PAK5: variants seen among roughly 807,000 people sequenced by gnomAD.
The protein encoded by PAK5 is p21 (RAC1) activated kinase 5, also known as serine/threonine-protein kinase PAK 5.
PAK5 carries 16 observed loss-of-function variants against 65.9 expected under a neutral mutation model. The ratio of observed to expected loss-of-function variants is 0.24; its 90% CI spans 0.16 to 0.37. PAK5 has a LOEUF of 0.37. Ranked by LOEUF, PAK5 falls within the 10% of genes least tolerant of loss-of-function variation. PAK5 has a pLI of 1.00. For synonymous variants in PAK5, 371 were observed against 354.9 expected (o/e 1.05, Z -0.51); for missense variants, 785 against 903.9 (o/e 0.87, Z 1.69).
At chr20:9,562,792 A>G in intron 6 of PAK5, 99 bp downstream of exon 6, 1 of 1,098,862 alleles carries the variant, frequency 9.1e-7, no homozygotes, top group Non-Finnish European at 1.3e-6. Context: ...CCCTGACTCC[A>G]AAGTGCCTGC....
chr20:9,703,745 AT>A (rs2047969790), intron 2 of PAK5, among the ~76,000 whole-genome samples: 1 of 133,296 alleles, frequency 7.5e-6, no homozygotes, highest in South Asian at 2.4e-4. Flanking sequence ...CACAACATAT[AT>A]CCCCCCCTCC....
At chr20:9,599,268 C>T (rs1040360328) in intron 3 of PAK5, among the ~76,000 whole-genome samples, 2 of 152,206 alleles carry the variant, frequency 1.3e-5, no homozygotes, top group African/African-American at 4.8e-5. Flanking sequence ...TGTCAACAGA[C>T]ATTTGGATTG....
chr20:9,556,676 T>C (rs1439541886), intron 7 of PAK5, among the ~76,000 whole-genome samples: 1 of 152,222 alleles, frequency 6.6e-6, no homozygotes, highest in African/African-American at 2.4e-5. Context: ...TTATATTCCA[T>C]GCTCTGTGCC....
At chr20:9,686,590 AT>A (rs1251478530) in intron 2 of PAK5, among the ~76,000 whole-genome samples, 2 of 152,084 alleles carry the variant, frequency 1.3e-5, no homozygotes, top group Non-Finnish European at 2.9e-5. Flanking sequence ...TCCTTCTATG[AT>A]TACAGCTCCT....
At position 9,787,740 on chromosome 20, in the gene PAK5, G is replaced by T. The variant is rs74270237; in HGVS notation, c.-162+51022C>A. The stretch of plus-strand genomic sequence containing the variant: ...AAAATTCTTGATACTGCTAAGTGCA[G>T]ATTTGGGAATAGATATGCAGTAGAC... On this transcript the variant is annotated intron_variant, in intron 1 of 9. Coordinates refer to ENST00000353224, the MANE Select transcript of PAK5 (RefSeq NM_177990.4). Among the ~76,000 whole-genome samples the T allele has an allele frequency of 3.4e-3, 513 of 151,950 alleles. 12 individuals are homozygous for T. In the East Asian group the frequency reaches 0.049, roughly 14 times the overall value.
rs2045192007 is a variant in PAK5, at chr20:9,537,635, T to G, written c.*1827A>C. ...TAAAAAAGATTTTCTTTTTCTTTTC[T>G]TTCTACTTCTACATAGTCCTGGTTA... is the stretch of plus-strand genomic sequence containing the variant. On this transcript the variant is annotated 3_prime_UTR_variant, in exon 10 of 10. Transcript: ENST00000353224. 1 of 218,056 alleles carries G rather than the reference T, an allele frequency of 4.6e-6. No homozygotes were observed. Among genetic ancestry groups the G allele is most frequent in the Non-Finnish European group, 9.2e-6 (1 of 108,318 alleles). 13.5% of individuals were successfully genotyped at this position (218,056 alleles called of 1,614,324 possible).
At chr20:9,560,598 G>A (rs1309973453) in intron 6 of PAK5, among the ~76,000 whole-genome samples, 3 of 152,158 alleles carry the variant, frequency 2.0e-5, no homozygotes, top group Admixed American at 6.5e-5. Flanking sequence ...CTGTGCTCAC[G>A]TGATCCTCCT....
At chr20:9,543,673 C>T (rs565679179) in intron 8 of PAK5, among the ~76,000 whole-genome samples, 4 of 152,282 alleles carry the variant, frequency 2.6e-5, no homozygotes, top group Admixed American at 2.6e-4. Flanking sequence ...CTATGCCTAG[C>T]CGAAACATAC....
At chr20:9,669,867 A>G (rs1451990590) in intron 2 of PAK5, among the ~76,000 whole-genome samples, 1 of 152,010 alleles carries the variant, frequency 6.6e-6, no homozygotes, top group Non-Finnish European at 1.5e-5. Context: ...GGTGTGCTTT[A>G]CCCATTAACC....
At chr20:9,806,785 A>G (rs980497625) in intron 1 of PAK5, among the ~76,000 whole-genome samples, 2 of 152,180 alleles carry the variant, frequency 1.3e-5, no homozygotes, top group African/African-American at 4.8e-5. Context: ...TTAATTTCCT[A>G]TCGCTACTAT....
In PAK5 at chr20:9,835,148, T is replaced by C. The variant is rs539352326; in HGVS notation, c.-162+3614A>G. ...TTGAAGTTGGCACAGGAAAATGCTA[T>C]GAGGCAGAGTATTCGTTCCTTCACT... On this transcript the variant is annotated intron_variant, in intron 1 of 9. Transcript: ENST00000353224. Among the ~76,000 whole-genome samples, 3 of 152,346 alleles carry C rather than the reference T, an allele frequency of 2.0e-5. No individual in the cohort carries two copies. In the East Asian group the frequency reaches 5.8e-4, roughly 29 times the overall value.
At chr20:9,717,821 T>C (rs2123508398) in intron 1 of PAK5, among the ~76,000 whole-genome samples, 1 of 152,302 alleles carries the variant, frequency 6.6e-6, no homozygotes, top group East Asian at 1.9e-4. Context: ...GGTTCCGCCA[T>C]GTTGGCGAGG....
chr20:9,808,822 A>C (rs2049263152), intron 1 of PAK5, among the ~76,000 whole-genome samples: 1 of 152,156 alleles, frequency 6.6e-6, no homozygotes, highest in Non-Finnish European at 1.5e-5. Context: ...TGATGGCTGT[A>C]CAACTCTGTG....
intron 2 of PAK5, among the ~76,000 whole-genome samples, chr20:9,664,722 G>C (rs552581612): frequency 1.5e-4 from 23 of 152,194 alleles, no homozygotes; most frequent in South Asian, 2.1e-4. Flanking sequence ...TTGGATGATA[G>C]TTATTGTTTT....
chr20:9,702,455 G>A (rs1354420424), intron 2 of PAK5, among the ~76,000 whole-genome samples: 4 of 152,254 alleles, frequency 2.6e-5, no homozygotes, highest in Non-Finnish European at 2.9e-5. Flanking sequence ...TTACTGTACC[G>A]ATTGTACATC....
At chr20:9,750,051 C>A (rs529168209) in intron 1 of PAK5, among the ~76,000 whole-genome samples, 1 of 152,176 alleles carries the variant, frequency 6.6e-6, no homozygotes, top group East Asian at 1.9e-4. Flanking sequence ...AGTAAATATC[C>A]AATAAAATAT....
At chr20:9,702,693 A>G (rs1456037831) in intron 2 of PAK5, among the ~76,000 whole-genome samples, 1 of 152,130 alleles carries the variant, frequency 6.6e-6, no homozygotes, top group Non-Finnish European at 1.5e-5. Context: ...TTAGCTGCCC[A>G]GTTATTTTGT....
At chr20:9,600,364 G>C (rs978014622) in intron 3 of PAK5, among the ~76,000 whole-genome samples, 1 of 152,154 alleles carries the variant, frequency 6.6e-6, no homozygotes, top group Non-Finnish European at 1.5e-5. Context: ...TTTTAGGATG[G>C]TTTTCCTATT....
chr20:9,614,648 G>T (rs2123158000), intron 3 of PAK5, among the ~76,000 whole-genome samples: 1 of 152,296 alleles, frequency 6.6e-6, no homozygotes, highest in South Asian at 2.1e-4. Flanking sequence ...TGGAAACCAT[G>T]CAAGCAAGAA....
Sources: allele counts gnomAD v4.1 joint callset (sites outside exome capture counted in the v4.1 genomes callset), GRCh38; gene constraint gnomAD v4.1.1; transcripts MANE v1.5; gene names NCBI Gene and HGNC (gene_info 2026-07-23, HGNC 2026-07-21).